The following AFF3 variants were observed in gnomAD, a reference collection of about 807,000 sequenced individuals.
AFF3 encodes ALF transcription elongation factor 3.
A neutral mutation model predicts 129.7 loss-of-function variants in AFF3; 32 were observed. The observed-to-expected ratio is 0.25, with a 90% CI of 0.19 to 0.33. The LOEUF is 0.33. Among genes scored for constraint, AFF3 ranks in the 10% least tolerant of loss-of-function variants. The pLI, the probability that AFF3 is intolerant of heterozygous loss-of-function variation, is 1.00. For synonymous variants in AFF3, 644 were observed against 635.4 expected (o/e 1.01, Z -0.20); for missense variants, 1,373 against 1,592.0 (o/e 0.86, Z 2.34).
chr2:99,997,380 A>C (rs567861567), intron 7 of AFF3, among the ~76,000 whole-genome samples: 3 of 152,168 alleles, frequency 2.0e-5, no homozygotes, highest in Non-Finnish European at 2.9e-5. Context: ...CTGTCTGCCA[A>C]CCAAGCTGTC....
intron 12 of AFF3, among the ~76,000 whole-genome samples, chr2:99,665,335 G>A (rs1686584222): frequency 6.6e-6 from 1 of 152,234 alleles, no homozygotes; most frequent in African/African-American, 2.4e-5. Flanking sequence ...GCTGGGAATG[G>A]AAAGAGGTAG....
At chr2:100,023,542 G>A (rs1683769386) in intron 4 of AFF3, among the ~76,000 whole-genome samples, 1 of 152,104 alleles carries the variant, frequency 6.6e-6, no homozygotes, top group South Asian at 2.1e-4. Context: ...GGGAGAAACA[G>A]CAAGGCCTCC....
chr2:100,003,291 T>C (rs1195182403), intron 7 of AFF3, among the ~76,000 whole-genome samples: 57 of 152,236 alleles, frequency 3.7e-4, no homozygotes, highest in Admixed American at 3.7e-3. Context: ...TGGAATTACA[T>C]GCTGAGCACA....
intron 12 of AFF3, among the ~76,000 whole-genome samples, chr2:99,669,703 C>T (rs556878801): frequency 1.3e-5 from 2 of 152,158 alleles, no homozygotes; most frequent in Non-Finnish European, 2.9e-5. Context: ...GGCACAGTTG[C>T]TCACACCTGT....
chr2:99,738,526 C>T (rs1680443276), intron 10 of AFF3, among the ~76,000 whole-genome samples: 3 of 152,008 alleles, frequency 2.0e-5, no homozygotes, highest in South Asian at 4.1e-4. Context: ...ATACTTGAAA[C>T]TTTTTTCTTC....
intron 7 of AFF3, among the ~76,000 whole-genome samples, chr2:99,998,510 CTA>C (rs1480836345): frequency 1.3e-5 from 2 of 152,168 alleles, no homozygotes; most frequent in Non-Finnish European, 2.9e-5. Flanking sequence ...GAGGGCCTGT[CTA>C]TACCTTTTGT....
chr2:99,579,380 G>C (rs1282305271), intron 17 of AFF3, among the ~76,000 whole-genome samples: 3 of 148,820 alleles, frequency 2.0e-5, no homozygotes, highest in Non-Finnish European at 4.4e-5. Context: ...ACTCCAGCCT[G>C]GGCAACAAGA....
rs879024623 is a variant in AFF3, at chr2:99,565,712, A to AC, written c.2983-90dup. 13 of 1,401,116 alleles carry AC rather than the reference A, an allele frequency of 9.3e-6. 1 individual carries two copies. The South Asian group carries it at 1.7e-4, about 18-fold the overall frequency. 86.8% of individuals were successfully genotyped at this position (1,401,116 alleles called of 1,614,324 possible). A position where few individuals can be genotyped will look rare whatever the true frequency, so the allele number is the denominator to read the frequency against. On this transcript the variant is annotated intron_variant, in intron 19 of 24. Coordinates refer to ENST00000672756, the MANE Select transcript of AFF3 (RefSeq NM_001386135.1). ...GTAGTTTATACACCTTATTTGAGAA[A>AC]CCCAACTCTGACTTCTAAAATCCTA... is the stretch of plus-strand genomic sequence containing the variant.
chr2:100,129,013 C>T (rs1279327627), intron 2 of AFF3, among the ~76,000 whole-genome samples: 5 of 152,174 alleles, frequency 3.3e-5, no homozygotes, highest in African/African-American at 9.7e-5. Flanking sequence ...CTGGACACAA[C>T]ACAGGCCCAC....
chr2:100,038,763 GC>G (rs1422971593), intron 4 of AFF3, among the ~76,000 whole-genome samples: 1 of 148,958 alleles, frequency 6.7e-6, no homozygotes, highest in Non-Finnish European at 1.5e-5. Flanking sequence ...CGCTCTTGTT[GC>G]CCAGGCTGGA....
chr2:100,077,180 CAG>C (rs1419468154), intron 4 of AFF3, among the ~76,000 whole-genome samples: 2 of 152,052 alleles, frequency 1.3e-5, no homozygotes, highest in African/African-American at 4.8e-5. Context: ...ACCCAGGAGA[CAG>C]AGGTTGCAAT....
chr2:99,677,613 G>C (rs1674116280), intron 11 of AFF3, among the ~76,000 whole-genome samples: 1 of 152,186 alleles, frequency 6.6e-6, no homozygotes, highest in Non-Finnish European at 1.5e-5. Flanking sequence ...TTTCATGCAG[G>C]GAGAGCGGGC....
intron 11 of AFF3, chr2:99,707,561 G>A (rs562530030): frequency 1.5e-4 from 145 of 946,282 alleles, no homozygotes; most frequent in Non-Finnish European, 1.7e-4. Context: ...AAAGTATCTC[G>A]CTGAAAAAAA....
rs777498767 is a variant in AFF3, at chr2:100,007,373, T to C, written c.262A>G (p.Asn88Asp). The change falls in exon 6 of 25, where the codon AAT (asparagine) becomes GAT (aspartate). Residue 88 changes from asparagine to aspartate, a missense_variant. By Grantham distance (23) the Asn-to-Asp change is conservative. Coordinates refer to ENST00000672756, the MANE Select transcript of AFF3 (RefSeq NM_001386135.1). ...GGAACTCCAACGAGATGACTCTGAT[T>C]GGATCTATCAGTTAAAAAGTCTTTC... The part of the protein sequence containing the change: ...EMKDFLTDRS[N>D]QSHLVGVPKP... 4 of 1,614,132 alleles carry C rather than the reference T, an allele frequency of 2.5e-6. No homozygotes were observed. The Admixed American group carries it at 5.0e-5, about 20-fold the overall frequency.
chr2:99,978,492 A>G (rs1679091820), intron 7 of AFF3, among the ~76,000 whole-genome samples: 1 of 152,252 alleles, frequency 6.6e-6, no homozygotes, highest in Non-Finnish European at 1.5e-5. Context: ...CCAGCAGCTG[A>G]CATGACAAAT....
chr2:100,035,934 C>G (rs1684856900), intron 4 of AFF3, among the ~76,000 whole-genome samples: 1 of 151,920 alleles, frequency 6.6e-6, no homozygotes, highest in South Asian at 2.1e-4. Flanking sequence ...AGTAAAGAAG[C>G]ATTCTTTGAA....
intron 12 of AFF3, among the ~76,000 whole-genome samples, chr2:99,658,255 G>C (rs1188237502): frequency 1.3e-5 from 2 of 152,198 alleles, no homozygotes; most frequent in East Asian, 3.9e-4. Context: ...CACCATGAAA[G>C]CAACATTATA....
At chr2:99,754,903 T>C (rs555833693) in intron 8 of AFF3, among the ~76,000 whole-genome samples, 1 of 152,356 alleles carries the variant, frequency 6.6e-6, no homozygotes, top group Non-Finnish European at 1.5e-5. Context: ...GTTCAGCATC[T>C]ACTGAATTTG....
intron 8 of AFF3, among the ~76,000 whole-genome samples, chr2:99,768,646 A>G (rs775781117): frequency 8.5e-5 from 13 of 152,184 alleles, no homozygotes; most frequent in Non-Finnish European, 1.3e-4. Context: ...TTCAGATTAA[A>G]TATCTCCCTT....
Sources: gnomAD v4.1 joint callset for allele counts (sites outside exome capture counted in the v4.1 genomes callset) on GRCh38, gnomAD v4.1.1 for gene constraint, MANE v1.5 for transcripts, NCBI Gene and HGNC (gene_info 2026-07-23, HGNC 2026-07-21) for gene names.